EPHA6: variants seen among roughly 807,000 people sequenced by gnomAD.
The protein encoded by EPHA6 is EPH receptor A6.
Under a neutral mutation model 112.0 loss-of-function variants are expected in EPHA6, and 50 were observed. The observed-to-expected ratio is 0.45, with a 90% CI of 0.36 to 0.56. The LOEUF (loss-of-function observed/expected upper bound fraction) is 0.56. Among genes scored for constraint, EPHA6 ranks in the 20% least tolerant of loss-of-function variants. The pLI, the probability that EPHA6 is intolerant of heterozygous loss-of-function variation, is 0.00. For synonymous variants in EPHA6, 529 were observed against 490.7 expected (o/e 1.08, Z -1.03); for missense variants, 1,280 against 1,417.4 (o/e 0.90, Z 1.56).
intron 5 of EPHA6, among the ~76,000 whole-genome samples, chr3:97,332,732 T>C (rs979008141): frequency 3.5e-4 from 53 of 152,132 alleles, no homozygotes; most frequent in African/African-American, 1.2e-3. Context: ...CTTACTCCAC[T>C]GAATTACTTT....
chr3:97,482,917 T>C (rs575311946), intron 9 of EPHA6, among the ~76,000 whole-genome samples: 1 of 152,216 alleles, frequency 6.6e-6, no homozygotes, highest in South Asian at 2.1e-4. Context: ...GATAGAAAGA[T>C]ATATAAGAAA....
chr3:97,054,268 T>C (rs1462345394), intron 3 of EPHA6, among the ~76,000 whole-genome samples: 1 of 152,088 alleles, frequency 6.6e-6, no homozygotes, highest in Non-Finnish European at 1.5e-5. Flanking sequence ...AATATTTCTT[T>C]CGAATGATTT....
chr3:96,895,980 T>A (rs1002494856), intron 2 of EPHA6, among the ~76,000 whole-genome samples: 14 of 152,194 alleles, frequency 9.2e-5, no homozygotes, highest in Non-Finnish European at 1.8e-4. Flanking sequence ...ATGTAGCCTA[T>A]GTGTGAAGTA....
chr3:96,875,192 G>A (rs990379450), intron 2 of EPHA6, among the ~76,000 whole-genome samples: 9 of 151,994 alleles, frequency 5.9e-5, no homozygotes, highest in African/African-American at 1.9e-4. Context: ...ATGAAAGATC[G>A]TGGAAGGTAG....
At chr3:97,571,725 C>T (rs186563276) in intron 11 of EPHA6, among the ~76,000 whole-genome samples, 74 of 152,250 alleles carry the variant, frequency 4.9e-4, no homozygotes, top group East Asian at 3.9e-3. Flanking sequence ...TGAATTCTTC[C>T]GTATTAGACT....
In EPHA6 at chr3:96,829,949, G is replaced by GCGCA. The variant is rs373416797; in HGVS notation, c.385+14942_385+14943insGCAC. Among the ~76,000 whole-genome samples, 909 of 136,036 alleles carry GCGCA rather than the reference G, an allele frequency of 6.7e-3. 6 individuals carry two copies. The highest frequency in any genetic ancestry group is 0.027 in the Middle Eastern group (7 of 258). The allele number at this position is 136,036 out of a possible 152,430, so 89.2% of individuals were successfully genotyped here. Reference sequence around the variant, plus strand: ...CATGCACGTGCATGTGCGCGCGCGCGCACACACACACACACACACACACAC... The same window carrying GCGCA: ...CATGCACGTGCATGTGCGCGCGCGCGCGCACACACACACACACACACACACACAC... On this transcript the variant is annotated intron_variant, in intron 1 of 17. Coordinates refer to ENST00000389672, the MANE Select transcript of EPHA6 (RefSeq NM_001080448.3).
intron 11 of EPHA6, among the ~76,000 whole-genome samples, chr3:97,591,319 G>A (rs1332539137): frequency 1.3e-5 from 2 of 152,102 alleles, no homozygotes; most frequent in Admixed American, 1.3e-4. Flanking sequence ...TATATAGTGT[G>A]CCCAGTTCCT....
chr3:96,904,227 A>C (rs1394400288), intron 2 of EPHA6, among the ~76,000 whole-genome samples: 1 of 152,042 alleles, frequency 6.6e-6, no homozygotes, highest in Non-Finnish European at 1.5e-5. Flanking sequence ...ACAATGATAG[A>C]CTGGATTAAG....
intron 5 of EPHA6, among the ~76,000 whole-genome samples, chr3:97,265,313 C>T (rs533259860): frequency 7.9e-5 from 12 of 152,292 alleles, no homozygotes; most frequent in African/African-American, 2.6e-4. Flanking sequence ...CTCCATGGCT[C>T]CCAGGCTGCT....
chr3:97,648,962 C>T (rs773382643), intron 14 of EPHA6, among the ~76,000 whole-genome samples: 9 of 151,908 alleles, frequency 5.9e-5, no homozygotes, highest in Admixed American at 2.0e-4. Context: ...GGGTCTAAGC[C>T]GAAAAATTAC....
At chr3:97,473,093 A>T (rs917042518) in intron 7 of EPHA6, among the ~76,000 whole-genome samples, 14 of 151,730 alleles carry the variant, frequency 9.2e-5, no homozygotes, top group Admixed American at 8.6e-4. Context: ...GATAATGTTG[A>T]TGAGGTTTTT....
intron 1 of EPHA6, among the ~76,000 whole-genome samples, chr3:96,841,985 A>T (rs967420440): frequency 2.0e-5 from 3 of 152,000 alleles, no homozygotes; most frequent in Admixed American, 1.3e-4. Context: ...AAGTCCCGGG[A>T]TGGAACATTG....
chr3:96,848,341 C>T (rs2035194292), intron 1 of EPHA6, among the ~76,000 whole-genome samples: 1 of 151,858 alleles, frequency 6.6e-6, no homozygotes. Context: ...TATTAGTTAC[C>T]AAATCAATTG....
chr3:97,608,595 C>A (rs1407206615), intron 12 of EPHA6, among the ~76,000 whole-genome samples: 1 of 151,160 alleles, frequency 6.6e-6, no homozygotes, highest in South Asian at 2.1e-4. Flanking sequence ...CTGTGAGAGA[C>A]TTTTAGGGAA....
chr3:97,324,400 C>T (rs1181852884), intron 5 of EPHA6, among the ~76,000 whole-genome samples: 2 of 117,030 alleles, frequency 1.7e-5, no homozygotes, highest in East Asian at 5.1e-4. Context: ...TCTTTGCTTT[C>T]CTTCTTTTCT....
intron 3 of EPHA6, among the ~76,000 whole-genome samples, chr3:97,175,830 A>C (rs1239067427): frequency 6.6e-6 from 1 of 151,874 alleles, no homozygotes; most frequent in Admixed American, 6.6e-5. Flanking sequence ...TCCAAATACA[A>C]GATCATATCA....
chr3:97,481,768 A>G (rs1485478724), intron 9 of EPHA6, among the ~76,000 whole-genome samples: 1 of 151,224 alleles, frequency 6.6e-6, no homozygotes, highest in African/African-American at 2.4e-5. Context: ...GAGAGAACTG[A>G]TATCTGGCAT....
intron 3 of EPHA6, among the ~76,000 whole-genome samples, chr3:97,147,114 G>A (rs1447957500): frequency 1.3e-5 from 2 of 151,794 alleles, no homozygotes; most frequent in Non-Finnish European, 2.9e-5. Context: ...ATTTTCCTTT[G>A]CCCACCTCTC....
intron 2 of EPHA6, among the ~76,000 whole-genome samples, chr3:96,890,328 A>T (rs1378559413): frequency 2.0e-5 from 3 of 152,190 alleles, no homozygotes; most frequent in African/African-American, 4.8e-5. Context: ...ACAGATGAAG[A>T]TGACACGGTA....
Sources: gnomAD v4.1 joint callset for allele counts (sites outside exome capture counted in the v4.1 genomes callset) on GRCh38, gnomAD v4.1.1 for gene constraint, MANE v1.5 for transcripts, NCBI Gene and HGNC (gene_info 2026-07-23, HGNC 2026-07-21) for gene names.